Variants in TAS2R14 observed in about 807,000 individuals in gnomAD.
TAS2R14 encodes taste 2 receptor member 14, also known as taste receptor type 2 member 14.
For synonymous variants in TAS2R14, 131 were observed against 131.0 expected (o/e 1.00, Z 0.00); for missense variants, 383 against 372.0 (o/e 1.03, Z -0.24).
chr12:10,939,170 A>G, exon 1 of TAS2R14: 1 of 1,598,358 alleles, frequency 6.3e-7, no homozygotes, highest in Non-Finnish European at 8.5e-7. Flanking sequence ...TTCCACAATT[A>G]AAACGAATGT....
At position 10,938,858 on chromosome 12, in the gene TAS2R14, G is replaced by C. The variant is rs762781154; in HGVS notation, c.350C>G (p.Ser117Cys). Residue 117 changes from serine to cysteine, a missense_variant, in exon 1 of 1, where the codon TCT becomes TGT. By Grantham distance (112) the Ser-to-Cys change is moderately radical. Transcript: ENST00000537503. ...CCTCCACTTTAGGTAGAGAAAAATA[G>C]AGTTAGAAAAATTGGCTATCTTGAG... 5 of 1,613,484 alleles carry C rather than the reference G, an allele frequency of 3.1e-6. No individual in the cohort carries two copies. The African/African-American group carries it at 6.7e-5, about 22-fold the overall frequency.
At chr12:10,938,922 T>G (rs769284134) in exon 1 of TAS2R14, 1 of 1,613,958 alleles carries the variant, frequency 6.2e-7, no homozygotes, top group Non-Finnish European at 8.5e-7. Flanking sequence ...AACCAGACAC[T>G]AAAATGATTG....
chr12:10,938,966 AT>A (rs778784911), intron 4 of TAS2R14: 1 of 1,613,558 alleles, frequency 6.2e-7, no homozygotes. Flanking sequence ...CATTCTGAAC[AT>A]TTTTTCAGTG....
At chr12:10,937,446 C>T (rs368474043) in exon 1 of TAS2R14, 16 of 152,020 alleles carry the variant, frequency 1.1e-4, no homozygotes, top group Middle Eastern at 3.4e-3. Context: ...ATACTATACA[C>T]AGGAAGATAG....
chr12:10,937,874 T>A (rs1033290626), exon 1 of TAS2R14: 2 of 160,680 alleles, frequency 1.2e-5, no homozygotes, highest in African/African-American at 4.8e-5. Context: ...AAATTCCATA[T>A]TCTTTTATGT....
rs201006108 is a variant in TAS2R14 at position 10,938,942 on chromosome 12, C to T, written n.493-365G>A. 23 of 1,613,668 alleles carry T rather than the reference C, an allele frequency of 1.4e-5. No individual in the cohort carries two copies. The Middle Eastern group carries it at 4.9e-4, about 35-fold the overall frequency. ...GACACTAAAATGATTGATCACTGTC[C>T]AGATATTAGTAAGCATTCTGAACAT... is the stretch of plus-strand genomic sequence containing the variant. On this transcript the variant is annotated intron_variant and non_coding_transcript_variant, in intron 4 of 4. Transcript: ENST00000381852.
chr12:10,939,041 A>G (rs761725125), exon 1 of TAS2R14: 3 of 1,613,964 alleles, frequency 1.9e-6, no homozygotes, highest in South Asian at 2.2e-5. Context: ...AACCAGGCTA[A>G]TTCGAGAGAT....
chr12:10,938,508 T>C (rs1191876450), exon 1 of TAS2R14: 2 of 1,613,980 alleles, frequency 1.2e-6, no homozygotes, highest in Non-Finnish European at 1.7e-6. Flanking sequence ...AAGAAAGTGA[T>C]CACACTTTTA....
At chr12:10,938,578 C>A (rs1281610673) in exon 1 of TAS2R14, 2 of 1,613,828 alleles carry the variant, frequency 1.2e-6, no homozygotes, top group Admixed American at 3.3e-5. Flanking sequence ...GCTGCATCTT[C>A]TTGCGATGTT....
chr12:10,939,121 C>T lies in TAS2R14; in HGVS notation c.87G>A (p.Leu29=), dbSNP rs146473354. 82 of 1,607,418 alleles carry T rather than the reference C, an allele frequency of 5.1e-5. No homozygotes were observed. The Admixed American group carries it at 1.0e-3, about 20-fold the overall frequency. The change falls in exon 1 of 1, where the codon CTG becomes CTA. Residue 29 remains leucine, a synonymous_variant. Transcript: ENST00000537503. Reference sequence around the variant, plus strand: ...CCTTGACCCAGTCAATACAGTTCACCAGTGCTATGAAACTATTTCCTAAAT... The same window carrying T: ...CCTTGACCCAGTCAATACAGTTCACTAGTGCTATGAAACTATTTCCTAAAT...
exon 1 of TAS2R14, chr12:10,938,463 T>G (rs755402197): frequency 1.2e-6 from 2 of 1,613,884 alleles, no homozygotes; most frequent in African/African-American, 2.7e-5. Flanking sequence ...CAAACTGATA[T>G]GAAAAAAGAC....
exon 1 of TAS2R14, chr12:10,938,257 A>T: frequency 6.3e-7 from 1 of 1,579,122 alleles, no homozygotes; most frequent in Non-Finnish European, 8.6e-7. Context: ...AATATATTCA[A>T]GATGATTCTC....
chr12:10,939,257 T>C (rs1285815128), exon 1 of TAS2R14: 1 of 1,055,552 alleles, frequency 9.5e-7, no homozygotes, highest in African/African-American at 1.6e-5. Context: ...GAAGACTTCT[T>C]AATGCATTCA....
At chr12:10,938,814 C>T (rs1950340389) in exon 1 of TAS2R14, 2 of 1,613,282 alleles carry the variant, frequency 1.2e-6, no homozygotes, top group South Asian at 1.1e-5. Flanking sequence ...AGAAGCAGCA[C>T]CAAAACCACC....
chr12:10,938,947 A>G (rs1286368165), exon 1 of TAS2R14: 1 of 1,613,714 alleles, frequency 6.2e-7, no homozygotes, highest in African/African-American at 1.3e-5. Flanking sequence ...CTGTCCAGAT[A>G]TTAGTAAGCA....
chr12:10,938,479 G>GA, exon 5 of TAS2R14: 1 of 1,614,022 alleles, frequency 6.2e-7, no homozygotes, highest in Non-Finnish European at 8.5e-7. Context: ...AAGACAGAGA[G>GA]AAAATGGCAT....
chr12:10,938,409 C>A, exon 1 of TAS2R14: 2 of 1,613,934 alleles, frequency 1.2e-6, no homozygotes, highest in Non-Finnish European at 1.7e-6. Context: ...ATTCCCATCA[C>A]CTGGGAAAGA....
At chr12:10,938,681 G>A in exon 1 of TAS2R14, 1 of 1,614,016 alleles carries the variant, frequency 6.2e-7, no homozygotes, top group Non-Finnish European at 8.5e-7. Context: ...AATAAGACTG[G>A]AAAATCGTGT....
Position 10,938,688 on chromosome 12 carries a change from G to A in TAS2R14, n.493-111C>T, listed in dbSNP as rs34789740. The stretch of plus-strand genomic sequence containing the variant: ...GTTAATACAATAAGACTGGAAAATC[G>A]TGTAAAGTTACTTGAATCAGAACTG... On this transcript the variant is annotated intron_variant and non_coding_transcript_variant, in intron 4 of 4. Coordinates refer to the TAS2R14 transcript ENST00000381852. The A allele has an allele frequency of 2.1e-4, 342 of 1,613,938 alleles. No homozygotes were observed. In the African/African-American group the frequency reaches 2.9e-3, roughly 14 times the overall value.
Sources: allele counts gnomAD v4.1 joint callset, GRCh38; gene constraint gnomAD v4.1.1; transcripts MANE v1.5; gene names NCBI Gene and HGNC (gene_info 2026-07-23, HGNC 2026-07-21).